Variants in CCDC106 observed in about 807,000 individuals in gnomAD.
CCDC106 encodes the protein coiled-coil domain containing 106.
Under a neutral mutation model 24.7 loss-of-function variants are expected in CCDC106, and 17 were observed. That is an observed-to-expected ratio of 0.69 (90% CI 0.47 to 1.03). CCDC106 has a LOEUF of 1.03. CCDC106 is among the 50% of genes least tolerant of loss of function. The pLI, the probability that CCDC106 is intolerant of heterozygous loss-of-function variation, is 0.00. For missense variants in CCDC106, 337 were observed against 388.9 expected, an observed-to-expected ratio of 0.87 and a Z score of 1.12; for synonymous variants, 211 against 161.3, an observed-to-expected ratio of 1.31 and a Z score of -2.34.
In CCDC106 at chr19:55,651,454, G is replaced by T; in HGVS notation, c.485G>T (p.Arg162Leu). The T allele has an allele frequency of 6.3e-7, 1 of 1,599,184 alleles. No homozygotes were observed. Among genetic ancestry groups the T allele is most frequent in the Non-Finnish European group, 8.5e-7 (1 of 1,173,968 alleles). ...RRQKQKGGAS[R>L]RRFGKPKARE... is the part of the protein sequence containing the mutation. Reference sequence around the variant, plus strand: ...CAGAAGCAGAAGGGAGGTGCTAGTCGGAGGCGCTTTGGGAAGCCCAAGGCC... The same window carrying T: ...CAGAAGCAGAAGGGAGGTGCTAGTCTGAGGCGCTTTGGGAAGCCCAAGGCC... The change falls in exon 4 of 5, where the codon CGG becomes CTG. Residue 162 changes from arginine (R) to leucine (L), a missense_variant. Around this residue, in one of 2 missense-constraint regions of CCDC106, gnomAD observed 234 missense variants for 236.5 expected, o/e 0.99. Transcript: ENST00000586790.
At chr19:55,651,615 G>A (rs568601269) in intron 4 of CCDC106, 120 bp downstream of exon 4, 21 of 687,330 alleles carry the variant, frequency 3.1e-5, no homozygotes, top group African/African-American at 2.5e-4. Flanking sequence ...AAGACCCACC[G>A]GGTTCTGTCT....
At chr19:55,649,882 G>A (rs1280345772) in intron 3 of CCDC106, among the ~76,000 whole-genome samples, 16 of 152,030 alleles carry the variant, frequency 1.1e-4, no homozygotes, top group Admixed American at 9.8e-4. Flanking sequence ...GTGACTTCAG[G>A]GACCCTGGCA....
In CCDC106 at chr19:55,652,327, C is replaced by G. The variant is rs1401535442; in HGVS notation, c.527-103C>G. 1 of 1,036,182 alleles carries G rather than the reference C, an allele frequency of 9.7e-7. No homozygotes were observed. The highest frequency in any genetic ancestry group is 1.6e-5 in the African/African-American group (1 of 61,926). 64.2% of individuals were successfully genotyped at this position (1,036,182 alleles called of 1,614,324 possible). ...CCACCTGCACCGGCCCGTGCCTCTG[C>G]TCGCCGAGATCCTTTCTTCCCATGG... On this transcript the variant is annotated intron_variant, in intron 4 of 4. Transcript: ENST00000586790. This position sits in a 1 kb window ranked among gnomAD's most constrained non-coding sequence, Gnocchi z 5.9.
upstream of CCDC106, among the ~76,000 whole-genome samples, chr19:55,647,732 C>T (rs1412990931): frequency 6.6e-6 from 1 of 152,178 alleles, no homozygotes; most frequent in Admixed American, 6.5e-5. Flanking sequence ...TTGGCCCCCA[C>T]ATCCCTGAGA....
In CCDC106 at chr19:55,651,398, C is replaced by T. The variant is rs138679001; in HGVS notation, c.429C>T (p.Ser143=). 2.0e-5 allele frequency: 32 copies of T among 1,610,968 alleles called. 1 individual carries two copies. The highest frequency in any genetic ancestry group is 1.2e-4 in the African/African-American group (9 of 74,892). ...CAGCCTCCTCCCTCAGCGGAGCGTC[C>T]GAAGAAGGCAGCGCCAGTGAGAGGA... The part of the protein sequence containing the change: ...ESAASSLSGA[S]EEGSASERRR... Residue 143 remains serine, a synonymous_variant, in exon 4 of 5, where the codon TCC becomes TCT. Coordinates refer to ENST00000586790, the MANE Select transcript of CCDC106 (RefSeq NM_001370470.1).
rs140029370 is a variant in CCDC106, at chr19:55,652,677, G to A, written c.774G>A (p.Thr258=). 8 of 1,612,942 alleles carry A rather than the reference G, an allele frequency of 5.0e-6. No individual in the cohort carries two copies. The highest frequency in any genetic ancestry group is 1.3e-5 in the African/African-American group (1 of 74,872). The stretch of plus-strand genomic sequence containing the variant: ...GCTTTCTGGCCCTGGACGACGAGAC[G>A]CTCAAGAAGGTGCAGGCGCTCAAGA... The part of the protein sequence containing the change: ...RRCFLALDDE[T]LKKVQALKKS... The change falls in exon 5 of 5, where the codon ACG becomes ACA. Residue 258 remains threonine, a synonymous_variant. Coordinates refer to ENST00000586790, the MANE Select transcript of CCDC106 (RefSeq NM_001370470.1). The surrounding 1 kb of genome is among the most constrained non-coding windows in gnomAD (Gnocchi z 5.9).
chr19:55,648,760 G>A lies in CCDC106; in HGVS notation c.-287G>A, dbSNP rs1983032798. The stretch of plus-strand genomic sequence containing the variant: ...CTTCCTTTTCCTTCGATACCCAGGA[G>A]CCCACGTCCCCAGCTCACTTCTCCC... On this transcript the variant is annotated 5_prime_UTR_variant, in exon 1 of 5. Coordinates refer to ENST00000586790, the MANE Select transcript of CCDC106 (RefSeq NM_001370470.1). 1 of 528,878 alleles carries A rather than the reference G, an allele frequency of 1.9e-6. No homozygotes were observed. Among genetic ancestry groups the A allele is most frequent in the East Asian group, 3.1e-5 (1 of 32,782 alleles). 32.8% of individuals were successfully genotyped at this position (528,878 alleles called of 1,614,324 possible). A position where few individuals can be genotyped will look rare whatever the true frequency, so the allele number is the denominator to read the frequency against.
Position 55,652,797 on chromosome 19 carries a change from C to T in CCDC106, c.*51C>T, listed in dbSNP as rs1164717127. 1.4e-6 allele frequency: 2 copies of T among 1,472,284 alleles called. No homozygotes were observed. The highest frequency in any genetic ancestry group is 9.2e-7 in the Non-Finnish European group (1 of 1,082,732). The allele number at this position is 1,472,284 out of a possible 1,614,324, so 91.2% of individuals were successfully genotyped here. ...CCGGGCCTTCCTCCCCCGTGGACCC[C>T]GGTGGATGACCTGCCCCTCTCCCCG... On this transcript the variant is annotated 3_prime_UTR_variant, in exon 5 of 5. Transcript: ENST00000586790. This position sits in a 1 kb window ranked among gnomAD's most constrained non-coding sequence, Gnocchi z 5.9.
chr19:55,649,944 G>A (rs1983131531), intron 3 of CCDC106, among the ~76,000 whole-genome samples: 1 of 152,058 alleles, frequency 6.6e-6, no homozygotes, highest in Non-Finnish European at 1.5e-5. Flanking sequence ...TCATCTCTTT[G>A]GCCAAGAGGC....
At position 55,652,349 on chromosome 19, in the gene CCDC106, A is replaced by T; in HGVS notation, c.527-81A>T. On this transcript the variant is annotated intron_variant, in intron 4 of 4. Coordinates refer to ENST00000586790, the MANE Select transcript of CCDC106 (RefSeq NM_001370470.1). This position sits in a 1 kb window ranked among gnomAD's most constrained non-coding sequence, Gnocchi z 5.9. ...CTGCTCGCCGAGATCCTTTCTTCCC[A>T]TGGCCGTTTCCCTTCCCGTGTCCGC... 7.9e-7 allele frequency: 1 copy of T among 1,261,496 alleles called. No homozygotes were observed. The allele number at this position is 1,261,496 out of a possible 1,614,324, so 78.1% of individuals were successfully genotyped here. A position where few individuals can be genotyped will look rare whatever the true frequency, so the allele number is the denominator to read the frequency against.
rs1199115482 is a variant in CCDC106 at position 55,651,378 on chromosome 19, TCC to T, written c.410_411del (p.Ser137PhefsTer13). On this transcript the variant is annotated frameshift_variant, in exon 4 of 5. Coordinates refer to ENST00000586790, the MANE Select transcript of CCDC106 (RefSeq NM_001370470.1). LOFTEE classifies it high-confidence loss of function. ...GGCCTCGGACCCTGAGTCAGCAGCCTCCTCCCTCAGCGGAGCGTCCGAAGAAG... is the reference window on the plus strand; with the variant it reads ...GGCCTCGGACCCTGAGTCAGCAGCCTTCCCTCAGCGGAGCGTCCGAAGAAG... The part of the protein sequence containing the change: ...GEASDPESAA[S>X]SLSGASEEGS... 7 of 1,612,122 alleles carry T rather than the reference TCC, an allele frequency of 4.3e-6. No homozygotes were observed. Among genetic ancestry groups the T allele is most frequent in the Non-Finnish European group, 5.1e-6 (6 of 1,179,306 alleles).
rs779909194 is a variant in CCDC106 at position 55,652,584 on chromosome 19, C to G, written c.681C>G (p.Pro227=). The G allele has an allele frequency of 2.0e-5, 33 of 1,613,306 alleles. No homozygotes were observed. The highest frequency in any genetic ancestry group is 6.6e-5 in the South Asian group (6 of 91,064). Residue 227 remains proline, a synonymous_variant, in exon 5 of 5, where the codon CCC becomes CCG. Coordinates refer to ENST00000586790, the MANE Select transcript of CCDC106 (RefSeq NM_001370470.1). This position sits in a 1 kb window ranked among gnomAD's most constrained non-coding sequence, Gnocchi z 5.9. ...TPIAELLIVA[P]EKLAEVGEFD... Reference sequence around the variant, plus strand: ...TCGCCGAGCTGCTCATTGTGGCCCCCGAGAAGCTGGCCGAGGTGGGCGAGT... The same window carrying G: ...TCGCCGAGCTGCTCATTGTGGCCCCGGAGAAGCTGGCCGAGGTGGGCGAGT...
In CCDC106 at chr19:55,652,287, TGTTG is replaced by T. The variant is rs902955057; in HGVS notation, c.527-142_527-139del. On this transcript the variant is annotated intron_variant, in intron 4 of 4. Transcript: ENST00000586790. The surrounding 1 kb of genome is among the most constrained non-coding windows in gnomAD (Gnocchi z 5.9). ...CCCTCCTCTCTGCCCCTTCCTTGCC[TGTTG>T]TTCTCCGTCTCCACCTGCACCGGCC... The T allele has an allele frequency of 9.6e-6, 6 of 622,898 alleles. No individual in the cohort carries two copies. Among genetic ancestry groups the T allele is most frequent in the Non-Finnish European group, 1.6e-5 (6 of 363,742 alleles). The allele number at this position is 622,898 out of a possible 1,614,324, so 38.6% of individuals were successfully genotyped here.
chr19:55,651,959 G>A (rs1318764570), intron 4 of CCDC106, among the ~76,000 whole-genome samples: 2 of 152,142 alleles, frequency 1.3e-5, no homozygotes, highest in Non-Finnish European at 2.9e-5. Flanking sequence ...ACCGCGCATG[G>A]CCTGTCCTGG....
chr19:55,650,785 G>A (rs969771601), intron 3 of CCDC106, among the ~76,000 whole-genome samples: 8 of 152,084 alleles, frequency 5.3e-5, no homozygotes, highest in East Asian at 1.9e-4. Context: ...CCCCTAACCC[G>A]CCTTCTAGAG....
rs955847857 is a variant in CCDC106, at chr19:55,648,921, T to G, written c.-126T>G. On this transcript the variant is annotated 5_prime_UTR_variant, in exon 1 of 5. Transcript: ENST00000586790. ...CCAGGGGTCCAGGCCAGAAGGTCCCTCCTGTCTCACTTCACCTCCCCCAGG... is the reference window on the plus strand; with the variant it reads ...CCAGGGGTCCAGGCCAGAAGGTCCCGCCTGTCTCACTTCACCTCCCCCAGG... 12 of 955,272 alleles carry G rather than the reference T, an allele frequency of 1.3e-5. No homozygotes were observed. The highest frequency in any genetic ancestry group is 5.2e-5 in the Admixed American group (3 of 57,596). The allele number at this position is 955,272 out of a possible 1,614,324, so 59.2% of individuals were successfully genotyped here. A position where few individuals can be genotyped will look rare whatever the true frequency, so the allele number is the denominator to read the frequency against.
chr19:55,651,421 G>T lies in CCDC106; in HGVS notation c.452G>T (p.Arg151Met), dbSNP rs1470525209. 3 of 1,608,360 alleles carry T rather than the reference G, an allele frequency of 1.9e-6. No homozygotes were observed. The highest frequency in any genetic ancestry group is 4.5e-5 in the East Asian group (2 of 44,710). ...TCCGAAGAAGGCAGCGCCAGTGAGA[G>T]GAGGCGGCAGAAGCAGAAGGGAGGT... ...GASEEGSASE[R>M]RRQKQKGGAS... The change falls in exon 4 of 5, where the codon AGG becomes ATG. Residue 151 changes from arginine (R) to methionine (M), a missense_variant. Physicochemically the swap from Arg to Met is moderately conservative, Grantham distance 91 (BLOSUM62 -1). This residue lies in a region of CCDC106 where 234 missense variants were observed against 236.5 expected (regional missense o/e 0.99). Transcript: ENST00000586790.
At position 55,652,812 on chromosome 19, in the gene CCDC106, C is replaced by T. The variant is rs2123656680; in HGVS notation, c.*66C>T. On this transcript the variant is annotated 3_prime_UTR_variant, in exon 5 of 5. Coordinates refer to ENST00000586790, the MANE Select transcript of CCDC106 (RefSeq NM_001370470.1). The surrounding 1 kb of genome is among the most constrained non-coding windows in gnomAD (Gnocchi z 5.9). ...CCGTGGACCCCGGTGGATGACCTGC[C>T]CCTCTCCCCGCCGCGCCCCTGCCCC... 2.9e-6 allele frequency: 4 copies of T among 1,372,232 alleles called. No individual in the cohort carries two copies. Among genetic ancestry groups the T allele is most frequent in the East Asian group, 2.4e-5 (1 of 41,278 alleles). 85.0% of individuals were successfully genotyped at this position (1,372,232 alleles called of 1,614,324 possible).
Position 55,649,203 on chromosome 19 carries a change from A to C in CCDC106, c.32-2A>C. The C allele has an allele frequency of 1.9e-6, 3 of 1,612,986 alleles. No individual in the cohort carries two copies. Among genetic ancestry groups the C allele is most frequent in the Non-Finnish European group, 2.5e-6 (3 of 1,179,056 alleles). ...GGGTAACCCGGGGCCTCTCCTCTCC[A>C]GTGAAGGACGATGAGACCTTCGAGA... On this transcript the variant is annotated splice_acceptor_variant, in intron 1 of 4. Coordinates refer to ENST00000586790, the MANE Select transcript of CCDC106 (RefSeq NM_001370470.1). LOFTEE classifies it high-confidence loss of function.
Sources: gnomAD v4.1 joint callset for allele counts (sites outside exome capture counted in the v4.1 genomes callset) on GRCh38, gnomAD v4.1.1 for gene constraint, gnomAD v4.1.1 regional missense constraint, Gnocchi (gnomAD v3.1) non-coding constraint, MANE v1.5 for transcripts, NCBI Gene and HGNC (gene_info 2026-07-23, HGNC 2026-07-21) for gene names.